APBB1IP: variants seen among roughly 807,000 people sequenced by gnomAD.
The protein encoded by APBB1IP is amyloid beta precursor protein binding family B member 1 interacting protein.
In APBB1IP, 27 loss-of-function variants were observed where a neutral mutation model predicts 64.9. The observed-to-expected ratio is 0.42, with a 90% confidence interval of 0.31 to 0.57. The LOEUF is 0.57. Among genes scored for constraint, APBB1IP ranks in the 20% least tolerant of loss-of-function variants. The probability of loss-of-function intolerance (pLI) is 0.20; values close to 1 mark genes in which losing one functional copy is unlikely to be tolerated. For missense variants in APBB1IP, 812 were observed against 845.5 expected (o/e 0.96, Z 0.49); for synonymous variants, 392 against 331.0 (o/e 1.18, Z -2.00).
chr10:26,539,393 C>T (rs1836668810), intron 10 of APBB1IP, among the ~76,000 whole-genome samples: 1 of 94,348 alleles, frequency 1.1e-5, no homozygotes, highest in Non-Finnish European at 1.9e-5. Flanking sequence ...GCTGAAGTGA[C>T]AATATGAGAT....
At chr10:26,524,412 AACAACAACAAATTATG>A (rs1836444593) in intron 8 of APBB1IP, among the ~76,000 whole-genome samples, 1 of 150,528 alleles carries the variant, frequency 6.6e-6, no homozygotes, top group South Asian at 2.1e-4. Flanking sequence ...ATGAAAAAAA[AACAACAACAAATTATG>A]ACAAAATATT....
intron 8 of APBB1IP, among the ~76,000 whole-genome samples, chr10:26,520,675 C>G (rs1836391934): frequency 6.6e-6 from 1 of 152,152 alleles, no homozygotes; most frequent in Non-Finnish European, 1.5e-5. Flanking sequence ...CCACTGGTGA[C>G]TGGAAATGTG....
rs899951696 is a variant in APBB1IP at position 26,566,941 on chromosome 10, C to T, written c.1474-20C>T. 6.4e-7 allele frequency: 1 copy of T among 1,555,868 alleles called. No individual in the cohort carries two copies. The highest frequency in any genetic ancestry group is 1.2e-5 in the South Asian group (1 of 86,874). On this transcript the variant is annotated intron_variant, in intron 14 of 14. Coordinates refer to ENST00000376236, the MANE Select transcript of APBB1IP (RefSeq NM_019043.4). ...TCAAAAATTAAAAAAAAAATGAATG[C>T]TACTGCCACTCGGTTGCAGGATAAG...
intron 2 of APBB1IP, among the ~76,000 whole-genome samples, chr10:26,439,081 G>A (rs879409452): frequency 5.3e-5 from 8 of 152,186 alleles, no homozygotes; most frequent in South Asian, 2.1e-4. Context: ...GGGTGTGAGG[G>A]TTTGGGGTTC....
At chr10:26,524,823 G>A (rs1479709560) in intron 8 of APBB1IP, among the ~76,000 whole-genome samples, 1 of 151,930 alleles carries the variant, frequency 6.6e-6, no homozygotes, top group African/African-American at 2.4e-5. Context: ...CACTCTACAG[G>A]GTTAATTAAA....
At chr10:26,496,762 T>C (rs1836030284) in intron 4 of APBB1IP, among the ~76,000 whole-genome samples, 1 of 151,534 alleles carries the variant, frequency 6.6e-6, no homozygotes, top group East Asian at 1.9e-4. Context: ...TAATGATTAA[T>C]AAATATGAAT....
intron 2 of APBB1IP, among the ~76,000 whole-genome samples, chr10:26,458,822 CTGTTT>C (rs1305769461): frequency 6.6e-6 from 1 of 151,988 alleles, no homozygotes; most frequent in Non-Finnish European, 1.5e-5. Context: ...ATTTACTGTT[CTGTTT>C]TAATTATTGT....
At chr10:26,439,399 T>C (rs1264492357) in intron 2 of APBB1IP, among the ~76,000 whole-genome samples, 4 of 152,168 alleles carry the variant, frequency 2.6e-5, no homozygotes, top group Non-Finnish European at 5.9e-5. Context: ...AAAATAACTT[T>C]TTCCCCCGAA....
chr10:26,495,639 G>T (rs933626399), intron 3 of APBB1IP, among the ~76,000 whole-genome samples: 4 of 149,676 alleles, frequency 2.7e-5, no homozygotes, highest in African/African-American at 1.0e-4. Flanking sequence ...ATAGGAAAGA[G>T]GCCCCTTTTA....
chr10:26,512,809 G>A (rs1333399124), intron 7 of APBB1IP, among the ~76,000 whole-genome samples: 1 of 152,048 alleles, frequency 6.6e-6, no homozygotes, highest in African/African-American at 2.4e-5. Flanking sequence ...AGGAGAGCTG[G>A]GTGGGACGGA....
At chr10:26,492,893 G>A (rs2132430895) in intron 3 of APBB1IP, among the ~76,000 whole-genome samples, 1 of 152,294 alleles carries the variant, frequency 6.6e-6, no homozygotes, top group South Asian at 2.1e-4. Flanking sequence ...CAGAGAACCA[G>A]TCTGACTAGA....
intron 2 of APBB1IP, among the ~76,000 whole-genome samples, chr10:26,442,265 A>G (rs528107730): frequency 1.3e-3 from 193 of 152,276 alleles, no homozygotes; most frequent in Admixed American, 2.2e-3. Flanking sequence ...AATATAATCA[A>G]CTTTGAAGTT....
chr10:26,496,583 A>C (rs1836028100), intron 4 of APBB1IP, among the ~76,000 whole-genome samples, 192 bp downstream of exon 4: 1 of 152,124 alleles, frequency 6.6e-6, no homozygotes, highest in Admixed American at 6.6e-5. Flanking sequence ...CATTTTCACC[A>C]ATAATGAAAG....
chr10:26,508,481 G>C (rs1345681767), intron 6 of APBB1IP, among the ~76,000 whole-genome samples: 1 of 151,540 alleles, frequency 6.6e-6, no homozygotes. Context: ...AAAAAAAGAA[G>C]AAATTATAAA....
chr10:26,556,076 C>A (rs1009043936), intron 11 of APBB1IP, among the ~76,000 whole-genome samples: 12 of 152,206 alleles, frequency 7.9e-5, no homozygotes, highest in African/African-American at 2.9e-4. Flanking sequence ...GCCCTTTAAG[C>A]AGTGACAGTC....
chr10:26,472,284 T>G (rs1294011610), intron 2 of APBB1IP, among the ~76,000 whole-genome samples: 1 of 152,216 alleles, frequency 6.6e-6, no homozygotes, highest in Admixed American at 6.5e-5. Flanking sequence ...CTGATTAAAT[T>G]ATAGTGCAGT....
chr10:26,491,048 G>A (rs1204150442), intron 2 of APBB1IP, among the ~76,000 whole-genome samples: 1 of 152,112 alleles, frequency 6.6e-6, no homozygotes, highest in Non-Finnish European at 1.5e-5. Flanking sequence ...GGAAGTCGAG[G>A]CGAGTGGATC....
intron 2 of APBB1IP, among the ~76,000 whole-genome samples, chr10:26,441,696 A>T (rs1835339666): frequency 1.3e-5 from 2 of 152,166 alleles, no homozygotes; most frequent in African/African-American, 4.8e-5. Flanking sequence ...ACTCCAAGGC[A>T]TCACACGTTC....
At chr10:26,500,021 G>A (rs1170139173) in intron 4 of APBB1IP, among the ~76,000 whole-genome samples, 1 of 151,790 alleles carries the variant, frequency 6.6e-6, no homozygotes, top group Non-Finnish European at 1.5e-5. Context: ...GACCAGTCTG[G>A]GCAACATGAC....
Sources: allele counts gnomAD v4.1 joint callset (sites outside exome capture counted in the v4.1 genomes callset), GRCh38; gene constraint gnomAD v4.1.1; transcripts MANE v1.5; gene names NCBI Gene and HGNC (gene_info 2026-07-23, HGNC 2026-07-21).